The following DAB2 variants were observed in gnomAD, a reference collection of about 807,000 sequenced individuals.
DAB2 encodes DAB adaptor protein 2, also known as disabled homolog 2.
DAB2 carries 28 observed loss-of-function variants against 71.6 expected under a neutral mutation model. The observed-to-expected ratio is 0.39, with a 90% CI of 0.29 to 0.54. The LOEUF (loss-of-function observed/expected upper bound fraction) is 0.54, where lower values mean the gene tolerates loss of function less well. DAB2 is among the 20% of genes least tolerant of loss of function. The probability of loss-of-function intolerance (pLI) is 0.68; values close to 1 mark genes in which losing one functional copy is unlikely to be tolerated. For synonymous variants in DAB2, 345 were observed against 339.7 expected (o/e 1.02, Z -0.17); for missense variants, 867 against 928.8 (o/e 0.93, Z 0.86).
intron 10 of DAB2, 80 bp from the exon 11 acceptor site, chr5:39,381,696 T>C (rs1412244716): frequency 6.7e-7 from 1 of 1,487,060 alleles, no homozygotes; most frequent in African/African-American, 1.4e-5. Context: ...TCCTACCCTA[T>C]ACCCCAATTT....
intron 1 of DAB2, among the ~76,000 whole-genome samples, chr5:39,411,657 C>A (rs1233590302): frequency 6.6e-6 from 1 of 152,146 alleles, no homozygotes; most frequent in African/African-American, 2.4e-5. Context: ...AACGCTATAG[C>A]CCTGTGCAAA....
At chr5:39,373,892 C>A (rs1406035337) in intron 14 of DAB2, among the ~76,000 whole-genome samples, 1 of 152,172 alleles carries the variant, frequency 6.6e-6, no homozygotes, top group African/African-American at 2.4e-5. Flanking sequence ...ATCACCTGCA[C>A]TCTTGTTAAA....
At chr5:39,380,641 A>C (rs896636847) in intron 11 of DAB2, among the ~76,000 whole-genome samples, 2 of 152,198 alleles carry the variant, frequency 1.3e-5, no homozygotes, top group African/African-American at 4.8e-5. Flanking sequence ...TGGACTAAGA[A>C]TAGCAAGGCC....
In DAB2 at chr5:39,389,078, A is replaced by C. The variant is rs1755164441; in HGVS notation, c.570+19T>G. 1 of 1,611,622 alleles carries C rather than the reference A, an allele frequency of 6.2e-7. No homozygotes were observed. The stretch of plus-strand genomic sequence containing the variant: ...CATGTCACACACATGATTAACAAGA[A>C]GTAAAGATGCAATTTTACCTCAACT... On this transcript the variant is annotated intron_variant, in intron 7 of 14. Coordinates refer to ENST00000320816, the MANE Select transcript of DAB2 (RefSeq NM_001343.4).
At chr5:39,415,064 A>G (rs1755816904) in intron 1 of DAB2, among the ~76,000 whole-genome samples, 1 of 152,108 alleles carries the variant, frequency 6.6e-6, no homozygotes, top group African/African-American at 2.4e-5. Context: ...TGTTAATAAT[A>G]CTTCATAAAA....
chr5:39,417,920 T>G (rs900626872), intron 1 of DAB2: 1 of 152,228 alleles, frequency 6.6e-6, no homozygotes, highest in African/African-American at 2.4e-5. Flanking sequence ...CAGCTATAGT[T>G]GAACCTTAGC....
At chr5:39,385,498 C>A (rs1159368507) in intron 9 of DAB2, 2 of 152,170 alleles carry the variant, frequency 1.3e-5, no homozygotes, top group African/African-American at 4.8e-5. Context: ...AAGTGTAGTT[C>A]ACAGACTACA....
chr5:39,397,301 G>A (rs575018272), intron 1 of DAB2, among the ~76,000 whole-genome samples: 3 of 152,286 alleles, frequency 2.0e-5, no homozygotes, highest in South Asian at 4.2e-4. Flanking sequence ...AGGGACTCCA[G>A]TACTAGCTAA....
intron 5 of DAB2, among the ~76,000 whole-genome samples, 161 bp from the exon 6 acceptor site, chr5:39,390,093 C>T (rs1359168073): frequency 6.6e-6 from 1 of 151,972 alleles, no homozygotes; most frequent in Admixed American, 6.5e-5. Flanking sequence ...CCAATCCTCA[C>T]CCTTAGGTAT....
At chr5:39,415,059 A>G (rs1015966155) in intron 1 of DAB2, among the ~76,000 whole-genome samples, 2 of 152,144 alleles carry the variant, frequency 1.3e-5, no homozygotes, top group African/African-American at 2.4e-5. Flanking sequence ...ATTGCTGTTA[A>G]TAATACTTCA....
chr5:39,377,125 A>C lies in DAB2; in HGVS notation c.1662T>G (p.Gly554=), dbSNP rs747577142. 1.2e-6 allele frequency: 2 copies of C among 1,614,158 alleles called. No homozygotes were observed. The highest frequency in any genetic ancestry group is 4.5e-5 in the East Asian group (2 of 44,874). ...CTGCAAAGGGTGAAGGCTGGTTCCA[A>C]CCTGAAACAGCTGGACTTGTACCAA... ...VIFGTSPAVS[G]WNQPSPFAAS... Residue 554 remains glycine (G), a synonymous_variant, in exon 12 of 15, where the codon GGT becomes GGG. Transcript: ENST00000320816.
In DAB2 at chr5:39,377,106, AG is replaced by A; in HGVS notation, c.1680del (p.Phe561LeufsTer80). On this transcript the variant is annotated frameshift_variant, in exon 12 of 15. Transcript: ENST00000320816. LOFTEE classifies it high-confidence loss of function. Reference protein sequence around the residue: ...PAVSGWNQPSPFAASTPPPVP... With the variant: ...PAVSGWNQPSXFAASTPPPVP... The stretch of plus-strand genomic sequence containing the variant: ...ACTGGAGGGGGAGTTGAGGCTGCAA[AG>A]GGTGAAGGCTGGTTCCAACCTGAAA... 1 of 1,614,140 alleles carries A rather than the reference AG, an allele frequency of 6.2e-7. No individual in the cohort carries two copies. Among genetic ancestry groups the A allele is most frequent in the Non-Finnish European group, 8.5e-7 (1 of 1,180,018 alleles).
Position 39,390,576 on chromosome 5 carries a change from C to T in DAB2, c.331-1G>A. 6.2e-7 allele frequency: 1 copy of T among 1,603,840 alleles called. No homozygotes were observed. Among genetic ancestry groups the T allele is most frequent in the Non-Finnish European group, 8.5e-7 (1 of 1,174,526 alleles). ...TTACTGGATGTTCATGCTCTATTACCTTAAAAAAGAACATAAAGAGTAATT... is the reference window on the plus strand; with the variant it reads ...TTACTGGATGTTCATGCTCTATTACTTTAAAAAAGAACATAAAGAGTAATT... On this transcript the variant is annotated splice_acceptor_variant, in intron 4 of 14. Transcript: ENST00000320816. LOFTEE classifies it high-confidence loss of function.
At chr5:39,409,127 T>C (rs1445584826) in intron 1 of DAB2, among the ~76,000 whole-genome samples, 1 of 150,792 alleles carries the variant, frequency 6.6e-6, no homozygotes. Flanking sequence ...GTGCTTATGA[T>C]TATTAAAAAA....
chr5:39,394,816 T>C (rs1256857765), intron 1 of DAB2, among the ~76,000 whole-genome samples: 1 of 152,198 alleles, frequency 6.6e-6, no homozygotes, highest in Non-Finnish European at 1.5e-5. Flanking sequence ...CATTTGAGAT[T>C]GGGCATTATA....
Position 39,375,001 on chromosome 5 carries a change from ATCT to A in DAB2, c.*5+10_*5+12del. 6.4e-7 allele frequency: 1 copy of A among 1,558,974 alleles called. No individual in the cohort carries two copies. The highest frequency in any genetic ancestry group is 8.8e-7 in the Non-Finnish European group (1 of 1,131,306). The stretch of plus-strand genomic sequence containing the variant: ...AAACCCCTGAGACAGGCTTATTAGG[ATCT>A]TCTACTTACAGAATTTAGGCAAAAG... On this transcript the variant is annotated intron_variant, in intron 14 of 14. Coordinates refer to ENST00000320816, the MANE Select transcript of DAB2 (RefSeq NM_001343.4).
rs1171799602 is a variant in DAB2, at chr5:39,372,636, T to A, written c.*795A>T. On this transcript the variant is annotated 3_prime_UTR_variant, in exon 15 of 15. Transcript: ENST00000320816. ...TGTCTGTGAATCATTAGATTTTTTTTTTTTTTTGCCCTGTGAGAGTCTGTT... is the reference window on the plus strand; with the variant it reads ...TGTCTGTGAATCATTAGATTTTTTTATTTTTTTGCCCTGTGAGAGTCTGTT... 6.6e-6 allele frequency: 1 copy of A among 151,972 alleles called. No individual in the cohort carries two copies. Among genetic ancestry groups the A allele is most frequent in the African/African-American group, 2.4e-5 (1 of 41,346 alleles). 9.4% of individuals were successfully genotyped at this position (151,972 alleles called of 1,614,324 possible).
intron 6 of DAB2, 103 bp from the exon 7 acceptor site, chr5:39,389,226 A>T: frequency 1.2e-6 from 1 of 846,350 alleles, no homozygotes; most frequent in Non-Finnish European, 1.9e-6. Context: ...AGGCAAGAAT[A>T]AGTCTTGTAT....
intron 4 of DAB2, 101 bp downstream of exon 4, chr5:39,392,264 C>T (rs987155106): frequency 3.5e-5 from 29 of 822,294 alleles, no homozygotes; most frequent in Non-Finnish European, 5.9e-5. Context: ...ATTTGTTCCC[C>T]ACAGAACTTT....
Sources: allele counts gnomAD v4.1 joint callset (sites outside exome capture counted in the v4.1 genomes callset), GRCh38; gene constraint gnomAD v4.1.1; transcripts MANE v1.5; gene names NCBI Gene and HGNC (gene_info 2026-07-23, HGNC 2026-07-21).